The following BMAL2 variants were observed in gnomAD, a reference collection of about 807,000 sequenced individuals.
The protein encoded by BMAL2 is basic helix-loop-helix ARNT like 2.
the BMAL2 span, among the ~76,000 whole-genome samples, chr12:27,412,784 C>T: frequency 6.6e-6 from 1 of 151,500 alleles, no homozygotes; most frequent in Admixed American, 6.6e-5. Flanking sequence ...TTTATGAAGC[C>T]CAAAGAACCC....
At chr12:27,341,618 CT>C in the BMAL2 span, among the ~76,000 whole-genome samples, 1 of 152,204 alleles carries the variant, frequency 6.6e-6, no homozygotes, top group Non-Finnish European at 1.5e-5. Context: ...GGTATCTGCA[CT>C]TTCCACATTT....
the BMAL2 span, chr12:27,385,441 C>G: frequency 1.4e-6 from 2 of 1,386,880 alleles, no homozygotes; most frequent in Non-Finnish European, 2.0e-6. Flanking sequence ...TTTGCCCTCT[C>G]TACTATATTT....
chr12:27,356,832 T>C, the BMAL2 span, among the ~76,000 whole-genome samples: 1 of 152,100 alleles, frequency 6.6e-6, no homozygotes, highest in Non-Finnish European at 1.5e-5. Flanking sequence ...AGTGGTGATT[T>C]CTGGAATCTT....
At chr12:27,406,335 G>A in the BMAL2 span, among the ~76,000 whole-genome samples, 1 of 152,176 alleles carries the variant, frequency 6.6e-6, no homozygotes, top group Non-Finnish European at 1.5e-5. Context: ...GTTAAGGGCA[G>A]CCAGAGAGAA....
the BMAL2 span, among the ~76,000 whole-genome samples, chr12:27,400,268 G>A: frequency 2.0e-5 from 3 of 152,032 alleles, no homozygotes; most frequent in Non-Finnish European, 4.4e-5. Context: ...CATAGACCTA[G>A]TTAATCCTAA....
At chr12:27,413,981 G>C in the BMAL2 span, among the ~76,000 whole-genome samples, 2 of 151,988 alleles carry the variant, frequency 1.3e-5, no homozygotes, top group African/African-American at 4.8e-5. Context: ...GTAGTGCACT[G>C]TTACCATACC....
At chr12:27,376,979 C>G in the BMAL2 span, among the ~76,000 whole-genome samples, 2 of 118,884 alleles carry the variant, frequency 1.7e-5, no homozygotes, top group Non-Finnish European at 3.2e-5. Context: ...CCAGCCTGGG[C>G]GACAGAGCAA....
chr12:27,402,379 A>G, the BMAL2 span, among the ~76,000 whole-genome samples: 1 of 152,214 alleles, frequency 6.6e-6, no homozygotes, highest in Non-Finnish European at 1.5e-5. Context: ...TTATTAGTAC[A>G]GGAACTGAGA....
chr12:27,337,712 G>T, the BMAL2 span, among the ~76,000 whole-genome samples: 2 of 152,182 alleles, frequency 1.3e-5, no homozygotes, highest in Non-Finnish European at 2.9e-5. Flanking sequence ...TTACTTGTCA[G>T]CTTTGTAAAC....
chr12:27,389,884 C>A, the BMAL2 span: 1 of 399,372 alleles, frequency 2.5e-6, no homozygotes, highest in Admixed American at 4.4e-5. Flanking sequence ...AGATAAATTG[C>A]AAATGTCTGT....
chr12:27,396,031 G>T, the BMAL2 span, among the ~76,000 whole-genome samples: 1 of 152,210 alleles, frequency 6.6e-6, no homozygotes, highest in Non-Finnish European at 1.5e-5. Context: ...ATGTTGAAGC[G>T]CTAGGCCCCA....
the BMAL2 span, chr12:27,403,630 C>A: frequency 1.4e-6 from 1 of 695,820 alleles, no homozygotes. Flanking sequence ...TTCCTATATA[C>A]AAATGATAAC....
At chr12:27,340,247 G>T in the BMAL2 span, among the ~76,000 whole-genome samples, 14 of 152,276 alleles carry the variant, frequency 9.2e-5, no homozygotes, top group Non-Finnish European at 1.6e-4. Flanking sequence ...TTACATTTAA[G>T]TCTTTAATCC....
At chr12:27,364,519 A>G in the BMAL2 span, among the ~76,000 whole-genome samples, 4 of 151,980 alleles carry the variant, frequency 2.6e-5, no homozygotes, top group Non-Finnish European at 5.9e-5. Context: ...GTTCTCTTCC[A>G]TTCATCTGTC....
chr12:27,348,278 T>G, the BMAL2 span, among the ~76,000 whole-genome samples: 1 of 152,224 alleles, frequency 6.6e-6, no homozygotes, highest in African/African-American at 2.4e-5. Context: ...TCTTTGGCTT[T>G]TTTGTTCAAC....
the BMAL2 span, among the ~76,000 whole-genome samples, chr12:27,415,055 G>A: frequency 6.6e-6 from 1 of 152,166 alleles, no homozygotes; most frequent in Non-Finnish European, 1.5e-5. Flanking sequence ...GTAGATAGGT[G>A]TTCACTAGAG....
At chr12:27,367,212 G>GC in the BMAL2 span, among the ~76,000 whole-genome samples, 1 of 152,064 alleles carries the variant, frequency 6.6e-6, no homozygotes, top group Non-Finnish European at 1.5e-5. Context: ...CTGTGGTACT[G>GC]CAACAGTGGA....
the BMAL2 span, among the ~76,000 whole-genome samples, chr12:27,419,266 T>A: frequency 2.3e-4 from 35 of 152,214 alleles, no homozygotes; most frequent in Non-Finnish European, 4.9e-4. Flanking sequence ...ATACCACAGA[T>A]GGAGTAATTT....
At chr12:27,393,765 C>T in the BMAL2 span, among the ~76,000 whole-genome samples, 1 of 152,182 alleles carries the variant, frequency 6.6e-6, no homozygotes, top group African/African-American at 2.4e-5. Flanking sequence ...AAAGGACACA[C>T]TGGGGAGCAG....
Sources: gnomAD v4.1 joint callset for allele counts (sites outside exome capture counted in the v4.1 genomes callset) on GRCh38, gnomAD v4.1.1 for gene constraint, MANE v1.5 for transcripts, NCBI Gene and HGNC (gene_info 2026-07-23, HGNC 2026-07-21) for gene names.